The following FABP1 variants were observed in gnomAD, a reference collection of about 807,000 sequenced individuals.
FABP1 encodes fatty acid binding protein 1, also known as fatty acid-binding protein, liver.
A neutral mutation model predicts 13.7 loss-of-function variants in FABP1; 13 were observed. That is an observed-to-expected ratio of 0.95 (90% CI 0.62 to 1.51). The LOEUF (loss-of-function observed/expected upper bound fraction) is 1.51, where lower values mean the gene tolerates loss of function less well. Among genes scored for constraint, FABP1 ranks in the 40% most tolerant of loss-of-function variants. The pLI is 0.00. For synonymous variants in FABP1, 48 were observed against 59.8 expected, an observed-to-expected ratio of 0.80 and a Z score of 0.91; for missense variants, 140 against 155.7, an observed-to-expected ratio of 0.90 and a Z score of 0.54.
rs1425035402 is a variant in FABP1 at position 88,126,318 on chromosome 2, T to C, written c.98A>G (p.Lys33Arg). ...GATTTCCGACACCCCCTTGATATCC[T>C]TCCCCTTCTGGATGAGCTCTTCCGG... ...GLPEELIQKGKDIKGVSEIVQ... is the reference protein window; with the variant it reads ...GLPEELIQKGRDIKGVSEIVQ... Residue 33 changes from lysine (K) to arginine (R), a missense_variant, in exon 2 of 4, where the codon AAG becomes AGG. Transcript: ENST00000295834. 3 of 1,613,800 alleles carry C rather than the reference T, an allele frequency of 1.9e-6. No individual in the cohort carries two copies. The East Asian group carries it at 6.7e-5, about 36-fold the overall frequency.
rs779312788 is a variant in FABP1 at position 88,127,902 on chromosome 2, G to A, written c.67+49C>T. 6 of 1,580,634 alleles carry A rather than the reference G, an allele frequency of 3.8e-6. No homozygotes were observed. In the Admixed American group the frequency reaches 6.7e-5, roughly 18 times the overall value. On this transcript the variant is annotated intron_variant, in intron 1 of 3. Transcript: ENST00000295834. ...TAAATAGCCACTGCTGGTAGAGCTAGACCCTCACTGATGTGACCCACAGCT... is the reference window on the plus strand; with the variant it reads ...TAAATAGCCACTGCTGGTAGAGCTAAACCCTCACTGATGTGACCCACAGCT...
chr2:88,126,009 T>C, intron 2 of FABP1, 167 bp downstream of exon 2: 1 of 685,684 alleles, frequency 1.5e-6, no homozygotes, highest in South Asian at 2.4e-5. Flanking sequence ...AGCTTCTCTA[T>C]AAGATTCTTC....
In FABP1 at chr2:88,126,210, C is replaced by T. The variant is rs1675293358; in HGVS notation, c.206G>A (p.Cys69Tyr). Reference protein sequence around the residue: ...IQNEFTVGEECELETMTGEKV... With the variant: ...IQNEFTVGEEYELETMTGEKV... Reference sequence around the variant, plus strand: ...CTCCCCTGTCATTGTCTCCAGCTCACATTCCTCCCCCACCGTGAATTCGTT... The same window carrying T: ...CTCCCCTGTCATTGTCTCCAGCTCATATTCCTCCCCCACCGTGAATTCGTT... Residue 69 changes from cysteine (C) to tyrosine (Y), a missense_variant, in exon 2 of 4, where the codon TGT becomes TAT. Transcript: ENST00000295834. 2 of 1,611,678 alleles carry T rather than the reference C, an allele frequency of 1.2e-6. No homozygotes were observed. Among genetic ancestry groups the T allele is most frequent in the African/African-American group, 1.3e-5 (1 of 74,870 alleles).
chr2:88,124,973 C>CTT (rs10707485), intron 2 of FABP1, among the ~76,000 whole-genome samples: 5 of 143,156 alleles, frequency 3.5e-5, no homozygotes, highest in African/African-American at 2.6e-5. Context: ...ATGTATTCTT[C>CTT]TTTTTTTTTT....
Position 88,124,530 on chromosome 2 carries a change from C to G in FABP1, c.297G>C (p.Lys99Asn). 1 of 1,611,480 alleles carries G rather than the reference C, an allele frequency of 6.2e-7. No homozygotes were observed. The highest frequency in any genetic ancestry group is 8.5e-7 in the Non-Finnish European group (1 of 1,178,838). The change falls in exon 3 of 4, where the codon AAG (lysine) becomes AAC (asparagine). Residue 99 changes from lysine (K) to asparagine (N), a missense_variant. Transcript: ENST00000295834. ...TGTCGCCGTTGAGTTCGGTCACAGA[C>G]TTGATGTTTTTGAAAGTTGTCACCA... is the stretch of plus-strand genomic sequence containing the variant. Reference protein sequence around the residue: ...NKLVTTFKNIKSVTELNGDII... With the variant: ...NKLVTTFKNINSVTELNGDII...
chr2:88,125,080 G>A (rs986796666), intron 2 of FABP1, among the ~76,000 whole-genome samples: 1 of 151,794 alleles, frequency 6.6e-6, no homozygotes, highest in East Asian at 1.9e-4. Flanking sequence ...AAAGTGCTGG[G>A]ATTGTAGGCA....
chr2:88,123,215 G>T, intron 3 of FABP1, 111 bp from the exon 4 acceptor site: 1 of 840,500 alleles, frequency 1.2e-6, no homozygotes, highest in East Asian at 2.7e-5. Flanking sequence ...AAATATGTTG[G>T]CATATGAAAC....
At chr2:88,125,835 C>T (rs926785589) in intron 2 of FABP1, 12 of 199,850 alleles carry the variant, frequency 6.0e-5, no homozygotes, top group Non-Finnish European at 1.1e-4. Flanking sequence ...TGCCCCACTC[C>T]TGGGCCCTGC....
At chr2:88,123,708 T>C (rs1300360548) in intron 3 of FABP1, 1 of 152,514 alleles carries the variant, frequency 6.6e-6, no homozygotes, top group Non-Finnish European at 1.5e-5. Context: ...TTGATGGGTT[T>C]GAGCCCTGGA....
intron 3 of FABP1, 182 bp downstream of exon 3, chr2:88,124,312 T>A: frequency 1.8e-6 from 1 of 544,670 alleles, no homozygotes; most frequent in Non-Finnish European, 3.2e-6. Flanking sequence ...TGATAATGTG[T>A]GTAAACTGCC....
chr2:88,127,135 T>C (rs938047949), intron 1 of FABP1, among the ~76,000 whole-genome samples: 1 of 152,126 alleles, frequency 6.6e-6, no homozygotes, highest in Non-Finnish European at 1.5e-5. Context: ...CCTTTGCTTA[T>C]AGGGCTCCCT....
At chr2:88,127,587 T>C (rs1158278264) in intron 1 of FABP1, among the ~76,000 whole-genome samples, 1 of 152,180 alleles carries the variant, frequency 6.6e-6, no homozygotes, top group African/African-American at 2.4e-5. Context: ...CCTTATTGCC[T>C]TTATCATCTG....
At chr2:88,126,561 G>T in intron 1 of FABP1, 1 of 495,518 alleles carries the variant, frequency 2.0e-6, no homozygotes, top group Non-Finnish European at 3.7e-6. Context: ...CTGCTATCTT[G>T]CCAGTCAATT....
At position 88,127,851 on chromosome 2, in the gene FABP1, C is replaced by T. The variant is rs1408188170; in HGVS notation, c.67+100G>A. 4.2e-6 allele frequency: 5 copies of T among 1,194,526 alleles called. No individual in the cohort carries two copies. In the African/African-American group the frequency reaches 4.5e-5, roughly 11 times the overall value. The allele number at this position is 1,194,526 out of a possible 1,614,324, so 74.0% of individuals were successfully genotyped here. On this transcript the variant is annotated intron_variant, in intron 1 of 3. Coordinates refer to ENST00000295834, the MANE Select transcript of FABP1 (RefSeq NM_001443.3). ...TAGTTTGTGTATATAGCCTGAATCT[C>T]TCCCCCCATCTCAACATTTGGACCC... is the stretch of plus-strand genomic sequence containing the variant.
At chr2:88,124,287 A>G (rs545699786) in intron 3 of FABP1, 3 of 501,978 alleles carry the variant, frequency 6.0e-6, no homozygotes, top group Non-Finnish European at 1.0e-5. Flanking sequence ...GGTTGCGCTG[A>G]GCAGAAAGGA....
rs1043010036 is a variant in FABP1, at chr2:88,122,990, T to G, written c.*64A>C. 1 of 1,375,590 alleles carries G rather than the reference T, an allele frequency of 7.3e-7. No homozygotes were observed. Among genetic ancestry groups the G allele is most frequent in the African/African-American group, 1.5e-5 (1 of 68,528 alleles). 85.2% of individuals were successfully genotyped at this position (1,375,590 alleles called of 1,614,324 possible). A position where few individuals can be genotyped will look rare whatever the true frequency, so the allele number is the denominator to read the frequency against. ...AAGGCATTGAGAAGACATTTTTTTT[T>G]AAAACAAAGTTCACTTTATTACATT... On this transcript the variant is annotated 3_prime_UTR_variant, in exon 4 of 4. Transcript: ENST00000295834.
chr2:88,124,680 A>G lies in FABP1; in HGVS notation c.241-94T>C, dbSNP rs560334360. 10 of 819,084 alleles carry G rather than the reference A, an allele frequency of 1.2e-5. No individual in the cohort carries two copies. The South Asian group carries it at 1.6e-4, about 13-fold the overall frequency. The allele number at this position is 819,084 out of a possible 1,614,324, so 50.7% of individuals were successfully genotyped here. On this transcript the variant is annotated intron_variant, in intron 2 of 3. Transcript: ENST00000295834. ...GCTTCCTTTGCACAGGTCTCAGCTC[A>G]TAACAACCAAAATGCTCTGGTTCCT...
In FABP1 at chr2:88,126,325, T is replaced by C; in HGVS notation, c.91A>G (p.Lys31Glu). 1 of 1,613,786 alleles carries C rather than the reference T, an allele frequency of 6.2e-7. No individual in the cohort carries two copies. The highest frequency in any genetic ancestry group is 8.5e-7 in the Non-Finnish European group (1 of 1,179,778). Reference sequence around the variant, plus strand: ...GACACCCCCTTGATATCCTTCCCCTTCTGGATGAGCTCTTCCGGCAGACCT... The same window carrying C: ...GACACCCCCTTGATATCCTTCCCCTCCTGGATGAGCTCTTCCGGCAGACCT... ...AIGLPEELIQ[K>E]GKDIKGVSEI... is the part of the protein sequence containing the mutation. The change falls in exon 2 of 4, where the codon AAG becomes GAG. Residue 31 changes from lysine (K) to glutamate (E), a missense_variant. Lys to Glu is a moderately conservative substitution (Grantham distance 56, BLOSUM62 1). Transcript: ENST00000295834.
chr2:88,124,627 G>A, intron 2 of FABP1, 41 bp from the exon 3 acceptor site: 1 of 1,468,358 alleles, frequency 6.8e-7, no homozygotes, highest in Non-Finnish European at 9.5e-7. Flanking sequence ...AAGGGGTGGT[G>A]GGGGGCAAGA....
Sources: allele counts gnomAD v4.1 joint callset (sites outside exome capture counted in the v4.1 genomes callset), GRCh38; gene constraint gnomAD v4.1.1; transcripts MANE v1.5; gene names NCBI Gene and HGNC (gene_info 2026-07-23, HGNC 2026-07-21).